The following ANKRD44 variants were observed in gnomAD, a reference collection of about 807,000 sequenced individuals.
The protein encoded by ANKRD44 is serine/threonine-protein phosphatase 6 regulatory ankyrin repeat subunit B.
ANKRD44 carries 35 observed loss-of-function variants against 116.0 expected under a neutral mutation model. The observed-to-expected ratio is 0.30, with a 90% CI of 0.23 to 0.40. ANKRD44 has a LOEUF of 0.40. ANKRD44 is among the 10% of genes least tolerant of loss of function. ANKRD44 has a pLI of 1.00. For synonymous variants in ANKRD44, 435 were observed against 461.8 expected (o/e 0.94, Z 0.74); for missense variants, 1,014 against 1,242.6 (o/e 0.82, Z 2.77).
intron 16 of ANKRD44, among the ~76,000 whole-genome samples, chr2:197,037,871 G>A (rs1280168915): frequency 6.6e-6 from 1 of 152,168 alleles, no homozygotes; most frequent in Non-Finnish European, 1.5e-5. Flanking sequence ...GAGCCCAGGA[G>A]GTTGAGGCTG....
At chr2:197,190,076 T>C (rs1013745290) in intron 1 of ANKRD44, among the ~76,000 whole-genome samples, 6 of 152,120 alleles carry the variant, frequency 3.9e-5, no homozygotes, top group Non-Finnish European at 8.8e-5. Flanking sequence ...TATAGAGAAT[T>C]GTCAAGGCAC....
chr2:197,284,753 G>C (rs892756422), intron 1 of ANKRD44, among the ~76,000 whole-genome samples: 7 of 151,714 alleles, frequency 4.6e-5, no homozygotes, highest in African/African-American at 1.7e-4. Context: ...AGGTGTGGTG[G>C]TGTGCACCTG....
chr2:197,086,150 GA>G (rs56126608), intron 13 of ANKRD44, among the ~76,000 whole-genome samples: 18,894 of 151,276 alleles, frequency 0.12, 1,406 homozygotes, highest in Non-Finnish European at 0.17. Context: ...GATGCAATGG[GA>G]AAAAAAATTA....
At chr2:197,305,021 G>A (rs188728898) in intron 1 of ANKRD44, among the ~76,000 whole-genome samples, 7 of 152,246 alleles carry the variant, frequency 4.6e-5, no homozygotes, top group African/African-American at 2.4e-5. Context: ...CACATATCCA[G>A]GTTTACCCAG....
chr2:197,252,507 C>T (rs2082343294), intron 1 of ANKRD44, among the ~76,000 whole-genome samples: 1 of 152,018 alleles, frequency 6.6e-6, no homozygotes, highest in Non-Finnish European at 1.5e-5. Context: ...CCCGGGTTCA[C>T]GCCACTCTCC....
chr2:196,973,356 T>C (rs1375539644), intron 21 of ANKRD44, among the ~76,000 whole-genome samples: 1 of 152,128 alleles, frequency 6.6e-6, no homozygotes, highest in African/African-American at 2.4e-5. Context: ...AAACTATCAT[T>C]TTTATTAAAA....
At chr2:197,093,418 C>T (rs1198203942) in intron 10 of ANKRD44, among the ~76,000 whole-genome samples, 1 of 151,950 alleles carries the variant, frequency 6.6e-6, no homozygotes, top group Non-Finnish European at 1.5e-5. Flanking sequence ...GATTTTTTTT[C>T]ACTGCTCCTT....
chr2:196,997,014 G>C (rs2076025218), intron 25 of ANKRD44, among the ~76,000 whole-genome samples: 1 of 151,326 alleles, frequency 6.6e-6, no homozygotes, highest in Non-Finnish European at 1.5e-5. Flanking sequence ...TCTGCAATAA[G>C]CATTATTTAT....
chr2:197,085,620 CAGTTT>C (rs1206217182), intron 13 of ANKRD44, among the ~76,000 whole-genome samples: 1 of 152,132 alleles, frequency 6.6e-6, no homozygotes, highest in African/African-American at 2.4e-5. Flanking sequence ...AGCCCCATGA[CAGTTT>C]ACAAATGCCA....
At chr2:197,028,912 A>T in intron 16 of ANKRD44, 1 of 154,456 alleles carries the variant, frequency 6.5e-6, no homozygotes, top group Non-Finnish European at 1.4e-5. Context: ...CTCTAGTGCT[A>T]GTGCTGCTGC....
intron 1 of ANKRD44, among the ~76,000 whole-genome samples, chr2:197,202,416 A>AC (rs1000381596): frequency 6.6e-6 from 1 of 151,498 alleles, no homozygotes; most frequent in Non-Finnish European, 1.5e-5. Context: ...AAAAAAAAAA[A>AC]CCCAATAAGG....
At chr2:196,985,522 A>G (rs1481961839), downstream of ANKRD44, among the ~76,000 whole-genome samples, 4 of 152,290 alleles carry the variant, frequency 2.6e-5, no homozygotes, top group East Asian at 5.8e-4. Context: ...CTCCCTTAAC[A>G]TTTCTGGCAG....
At chr2:197,023,204 T>C (rs1400692386) in intron 17 of ANKRD44, among the ~76,000 whole-genome samples, 2 of 152,238 alleles carry the variant, frequency 1.3e-5, no homozygotes, top group Non-Finnish European at 2.9e-5. Flanking sequence ...ATCTCCACAA[T>C]GGCCCTACGT....
intron 8 of ANKRD44, among the ~76,000 whole-genome samples, chr2:197,115,211 A>C (rs1442710518): frequency 3.3e-5 from 5 of 152,198 alleles, no homozygotes; most frequent in Admixed American, 2.0e-4. Context: ...TGGCAATGGC[A>C]ATTTCTGAGT....
chr2:197,296,977 T>C (rs1201105780), intron 1 of ANKRD44, among the ~76,000 whole-genome samples: 1 of 152,240 alleles, frequency 6.6e-6, no homozygotes, highest in Non-Finnish European at 1.5e-5. Context: ...AAGATTACTC[T>C]ATCAACTTTT....
chr2:196,992,862 A>G (rs1210924480), intron 27 of ANKRD44: 1 of 152,670 alleles, frequency 6.6e-6, no homozygotes, highest in Non-Finnish European at 1.5e-5. Flanking sequence ...CTTTAATTAA[A>G]TGCCACATTT....
Position 196,989,485 on chromosome 2 carries a change from C to A in ANKRD44, c.*106G>T. 2 of 1,339,722 alleles carry A rather than the reference C, an allele frequency of 1.5e-6. No homozygotes were observed. Among genetic ancestry groups the A allele is most frequent in the Non-Finnish European group, 1.9e-6 (2 of 1,039,774 alleles). The allele number at this position is 1,339,722 out of a possible 1,614,324, so 83.0% of individuals were successfully genotyped here. A position where few individuals can be genotyped will look rare whatever the true frequency, so the allele number is the denominator to read the frequency against. ...CATTTTAGACTGAAGCATTTTGGTC[C>A]TCATGTGTAGCTGGCTGATGAACTA... On this transcript the variant is annotated 3_prime_UTR_variant, in exon 28 of 28. Transcript: ENST00000282272.
chr2:197,198,031 C>T (rs1052308674), intron 1 of ANKRD44: 2 of 152,168 alleles, frequency 1.3e-5, no homozygotes. Flanking sequence ...AAAGACGCAG[C>T]CTCTGAAATG....
In ANKRD44 at chr2:197,171,258, G is replaced by A. The variant is rs115255106; in HGVS notation, c.111+15765C>T. ...TAGTGGCCAAAGAGTGATGGGAGAA[G>A]GAAGCTGGCGATCAACAAGATTTGA... On this transcript the variant is annotated intron_variant, in intron 2 of 27. Coordinates refer to ENST00000282272, the MANE Select transcript of ANKRD44 (RefSeq NM_001195144.2). Among the ~76,000 whole-genome samples, 571 of 152,284 alleles carry A rather than the reference G, an allele frequency of 3.7e-3. 5 individuals carry two copies. Among genetic ancestry groups the A allele is most frequent in the African/African-American group, 0.013 (534 of 41,552 alleles).
Sources: allele counts gnomAD v4.1 joint callset (sites outside exome capture counted in the v4.1 genomes callset), GRCh38; gene constraint gnomAD v4.1.1; transcripts MANE v1.5; gene names NCBI Gene and HGNC (gene_info 2026-07-23, HGNC 2026-07-21).